ZNF451: variants seen among roughly 807,000 people sequenced by gnomAD.
The protein encoded by ZNF451 is zinc finger protein 451.
ZNF451 carries 80 observed loss-of-function variants against 107.1 expected under a neutral mutation model. The ratio of observed to expected loss-of-function variants is 0.75; its 90% confidence interval spans 0.62 to 0.90. The LOEUF (loss-of-function observed/expected upper bound fraction) is 0.90, where lower values mean the gene tolerates loss of function less well. Among genes scored for constraint, ZNF451 ranks in the 40% least tolerant of loss-of-function variants. The pLI is 0.00. For missense variants in ZNF451, 1,107 were observed against 1,236.2 expected, an observed-to-expected ratio of 0.90 and a Z score of 1.57; for synonymous variants, 362 against 406.5, an observed-to-expected ratio of 0.89 and a Z score of 1.32.
At chr6:57,163,987 C>T (rs1444739737) in intron 14 of ZNF451, among the ~76,000 whole-genome samples, 2 of 152,188 alleles carry the variant, frequency 1.3e-5, no homozygotes, top group Non-Finnish European at 2.9e-5. Context: ...CCCAGTACAA[C>T]TCTGTAAATG....
intron 3 of ZNF451, chr6:57,103,363 G>T: frequency 2.0e-6 from 2 of 985,400 alleles, no homozygotes; most frequent in Non-Finnish European, 2.4e-6. Flanking sequence ...ATACGCTCTT[G>T]GTTAATTGGT....
chr6:57,154,416 G>A (rs1377590674), intron 13 of ZNF451: 2 of 362,280 alleles, frequency 5.5e-6, no homozygotes, highest in Non-Finnish European at 9.8e-6. Context: ...AAAGCAGTGC[G>A]CTTAGAGGTG....
chr6:57,137,955 A>C (rs1831515114), intron 7 of ZNF451, among the ~76,000 whole-genome samples: 1 of 152,202 alleles, frequency 6.6e-6, no homozygotes, highest in Non-Finnish European at 1.5e-5. Context: ...TTGCCAAATA[A>C]TATTTCATTG....
chr6:57,100,554 A>T, intron 3 of ZNF451: 1 of 1,446,820 alleles, frequency 6.9e-7, no homozygotes, highest in South Asian at 1.5e-5. Context: ...ACATATTAAA[A>T]GCATATTTTT....
At chr6:57,113,163 A>C (rs373673251) in intron 3 of ZNF451, among the ~76,000 whole-genome samples, 85 of 152,196 alleles carry the variant, frequency 5.6e-4, no homozygotes, top group African/African-American at 2.0e-3. Context: ...ATTCAGGCCC[A>C]ATGTCTGCTG....
At chr6:57,165,058 C>G (rs1303417928) in intron 14 of ZNF451, 2 of 152,074 alleles carry the variant, frequency 1.3e-5, no homozygotes, top group Non-Finnish European at 2.9e-5. Flanking sequence ...ATATAGAATT[C>G]TTGATCGACA....
chr6:57,166,431 A>G (rs545868443), intron 14 of ZNF451, among the ~76,000 whole-genome samples: 7 of 152,324 alleles, frequency 4.6e-5, no homozygotes, highest in African/African-American at 1.7e-4. Context: ...CTCTATTGTA[A>G]TAACACTTAA....
chr6:57,100,146 T>C (rs1392686470), intron 3 of ZNF451, among the ~76,000 whole-genome samples: 4 of 151,310 alleles, frequency 2.6e-5, no homozygotes, highest in Admixed American at 1.3e-4. Flanking sequence ...AAAATGACTC[T>C]AATGGGGGAG....
intron 9 of ZNF451, among the ~76,000 whole-genome samples, chr6:57,142,575 C>T (rs947214345): frequency 6.6e-6 from 1 of 152,148 alleles, no homozygotes; most frequent in Non-Finnish European, 1.5e-5. Context: ...GTGAATATAG[C>T]ACAATTTGTT....
intron 3 of ZNF451, among the ~76,000 whole-genome samples, chr6:57,124,258 C>G (rs1000038052): frequency 6.6e-6 from 1 of 152,104 alleles, no homozygotes; most frequent in Admixed American, 6.6e-5. Context: ...AATATAGGAT[C>G]ATGTGTGAGG....
At chr6:57,157,005 CCA>C (rs1020000904) in intron 13 of ZNF451, among the ~76,000 whole-genome samples, 3 of 152,176 alleles carry the variant, frequency 2.0e-5, no homozygotes, top group African/African-American at 7.2e-5. Flanking sequence ...TCTTAACAGG[CCA>C]CAGACTGGTA....
chr6:57,099,129 C>T lies in ZNF451; in HGVS notation c.174C>T (p.Thr58=). 6.2e-7 allele frequency: 1 copy of T among 1,609,750 alleles called. No homozygotes were observed. Among genetic ancestry groups the T allele is most frequent in the Admixed American group, 1.7e-5 (1 of 59,996 alleles). The part of the protein sequence containing the change: ...LVSSDDEEPS[T]SYTDENIKRK... The stretch of plus-strand genomic sequence containing the variant: ...GCAGTGATGATGAAGAGCCTAGCAC[C>T]TCTTATACTGATGTAAGTACATTAT... Residue 58 remains threonine (T), a synonymous_variant, in exon 3 of 15, where the codon ACC becomes ACT. Coordinates refer to ENST00000370706, the MANE Select transcript of ZNF451 (RefSeq NM_001031623.3).
Position 57,168,619 on chromosome 6 carries a change from T to C in ZNF451, c.*150T>C. ...TTTCATATGTTCAAAATCTGATCTTTGTTTTGTATTTTTGTGCTAATGTGC... is the reference window on the plus strand; with the variant it reads ...TTTCATATGTTCAAAATCTGATCTTCGTTTTGTATTTTTGTGCTAATGTGC... On this transcript the variant is annotated 3_prime_UTR_variant, in exon 15 of 15. Coordinates refer to ENST00000370706, the MANE Select transcript of ZNF451 (RefSeq NM_001031623.3). 3.0e-6 allele frequency: 2 copies of C among 667,466 alleles called. No individual in the cohort carries two copies. Among genetic ancestry groups the C allele is most frequent in the African/African-American group, 3.7e-5 (2 of 53,922 alleles). 41.3% of individuals were successfully genotyped at this position (667,466 alleles called of 1,614,324 possible). A position where few individuals can be genotyped will look rare whatever the true frequency, so the allele number is the denominator to read the frequency against.
At chr6:57,105,105 TA>T in intron 3 of ZNF451, 1 of 985,424 alleles carries the variant, frequency 1.0e-6, no homozygotes, top group Non-Finnish European at 1.2e-6. Context: ...CAGAAACTCT[TA>T]GTCAGATAAT....
At chr6:57,107,442 A>G in intron 3 of ZNF451, 3 of 985,276 alleles carry the variant, frequency 3.0e-6, no homozygotes, top group South Asian at 9.4e-5. Context: ...AACTACTTTG[A>G]TTTTTGAACT....
In ZNF451 at chr6:57,105,061, A is replaced by G. The variant is rs1177260607; in HGVS notation, c.186+5920A>G. On this transcript the variant is annotated intron_variant, in intron 3 of 14. Transcript: ENST00000370706. ...TGATAATGTTATAAAACTTAAAGTG[A>G]GGATTTGGTCTAGGGAGATTACCCC... 4 of 985,266 alleles carry G rather than the reference A, an allele frequency of 4.1e-6. No individual in the cohort carries two copies. In the African/African-American group the frequency reaches 7.0e-5, roughly 17 times the overall value. The allele number at this position is 985,266 out of a possible 1,614,324, so 61.0% of individuals were successfully genotyped here.
At chr6:57,099,432 TTCCTCTTTCCC>T in intron 3 of ZNF451, 1 of 714,766 alleles carries the variant, frequency 1.4e-6, no homozygotes, top group Non-Finnish European at 2.6e-6. Flanking sequence ...AGCTTATTGA[TTCCTCTTTCCC>T]TTCTCTTTTC....
intron 3 of ZNF451, chr6:57,101,690 C>T: frequency 6.4e-7 from 1 of 1,550,660 alleles, no homozygotes; most frequent in South Asian, 1.2e-5. Flanking sequence ...TGCATAATAT[C>T]TGATGGTATG....
At chr6:57,157,298 T>C (rs748499628) in intron 13 of ZNF451, among the ~76,000 whole-genome samples, 9 of 151,578 alleles carry the variant, frequency 5.9e-5, no homozygotes, top group Non-Finnish European at 1.3e-4. Flanking sequence ...TCATATGGTA[T>C]CATACTAGGA....
Sources: allele counts gnomAD v4.1 joint callset (sites outside exome capture counted in the v4.1 genomes callset), GRCh38; gene constraint gnomAD v4.1.1; transcripts MANE v1.5; gene names NCBI Gene and HGNC (gene_info 2026-07-23, HGNC 2026-07-21).